IQCJ: variants seen among roughly 807,000 people sequenced by gnomAD.
IQCJ encodes the protein IQ motif containing J, also known as IQ domain-containing protein J.
A neutral mutation model predicts 11.0 loss-of-function variants in IQCJ; 9 were observed. The ratio of observed to expected loss-of-function variants is 0.82; its 90% confidence interval spans 0.49 to 1.43. The LOEUF (loss-of-function observed/expected upper bound fraction) is 1.43. Among genes scored for constraint, IQCJ ranks in the 40% most tolerant of loss-of-function variants. The pLI, the probability that IQCJ is intolerant of heterozygous loss-of-function variation, is 0.00. For synonymous variants in IQCJ, 55 were observed against 51.3 expected, an observed-to-expected ratio of 1.07 and a Z score of -0.31; for missense variants, 146 against 133.2, an observed-to-expected ratio of 1.10 and a Z score of -0.47.
rs141520685 is a variant in IQCJ at position 159,109,749 on chromosome 3, G to A, written c.9+40308G>A. On this transcript the variant is annotated intron_variant, in intron 1 of 3. Transcript: ENST00000397832. ...TTCCAAACATGGGATTGGGACACAT[G>A]GACTGCAAAAGGATTTTGTCTGATT... 4.1e-4 allele frequency among the ~76,000 whole-genome samples: 62 copies of A among 152,104 alleles called. 1 individual carries two copies. In the East Asian group the frequency reaches 0.011, roughly 26 times the overall value.
intron 1 of IQCJ, among the ~76,000 whole-genome samples, chr3:159,141,956 T>C (rs1263884881): frequency 3.3e-5 from 5 of 152,204 alleles, no homozygotes; most frequent in African/African-American, 1.2e-4. Flanking sequence ...TACCTTTTTG[T>C]TGTTGCTAAA....
downstream of IQCJ, chr3:159,265,333 G>C (rs751411708): frequency 6.2e-6 from 10 of 1,613,860 alleles, no homozygotes; most frequent in Non-Finnish European, 8.5e-6. Context: ...CAGCTTGCCA[G>C]ACCCACTGGG....
At chr3:159,091,661 CACACACACGCAT>C (rs1329487360) in intron 1 of IQCJ, among the ~76,000 whole-genome samples, 72 of 55,100 alleles carry the variant, frequency 1.3e-3, no homozygotes, top group Non-Finnish European at 2.5e-3. Context: ...CACACACACA[CACACACACGCAT>C]GCACACACAC....
At chr3:159,265,482 C>A, downstream of IQCJ, 1 of 1,137,416 alleles carries the variant, frequency 8.8e-7, no homozygotes. Context: ...AATGAGCTTC[C>A]TCTAACAACC....
chr3:159,150,018 C>T (rs1721118798), intron 1 of IQCJ, among the ~76,000 whole-genome samples: 1 of 152,182 alleles, frequency 6.6e-6, no homozygotes, highest in African/African-American at 2.4e-5. Flanking sequence ...CCTAGCACTT[C>T]CCACCCACCA....
intron 1 of IQCJ, among the ~76,000 whole-genome samples, chr3:159,152,318 G>A (rs751147401): frequency 6.6e-6 from 1 of 152,120 alleles, no homozygotes; most frequent in African/African-American, 2.4e-5. Context: ...GCTGAAAAAG[G>A]CTGTTAATTC....
chr3:159,108,590 A>G (rs1718419853), intron 1 of IQCJ, among the ~76,000 whole-genome samples: 3 of 152,338 alleles, frequency 2.0e-5, no homozygotes, highest in South Asian at 2.1e-4. Context: ...TCTCTTAAGA[A>G]AAAGATTCTC....
At chr3:159,079,112 G>A (rs951112194) in intron 1 of IQCJ, among the ~76,000 whole-genome samples, 7 of 152,056 alleles carry the variant, frequency 4.6e-5, no homozygotes, top group Non-Finnish European at 8.8e-5. Context: ...CTGTTTTGAA[G>A]GATTCTTCCC....
At chr3:159,161,108 T>A (rs960608160) in intron 1 of IQCJ, among the ~76,000 whole-genome samples, 1 of 152,194 alleles carries the variant, frequency 6.6e-6, no homozygotes, top group Admixed American at 6.5e-5. Flanking sequence ...AATCGCCACA[T>A]CCACTTCCAC....
intron 1 of IQCJ, among the ~76,000 whole-genome samples, chr3:159,073,280 C>T (rs544883837): frequency 2.0e-5 from 3 of 152,114 alleles, no homozygotes; most frequent in Non-Finnish European, 4.4e-5. Flanking sequence ...TGTCAGCTAA[C>T]TGCACTTCTT....
chr3:159,189,909 A>C (rs527887267), intron 1 of IQCJ, among the ~76,000 whole-genome samples: 13 of 152,134 alleles, frequency 8.5e-5, no homozygotes, highest in Non-Finnish European at 1.6e-4. Flanking sequence ...TCAAGTCTGC[A>C]CTTATGCTAG....
chr3:159,085,473 G>A (rs547357332), intron 1 of IQCJ, among the ~76,000 whole-genome samples: 1 of 151,472 alleles, frequency 6.6e-6, no homozygotes, highest in African/African-American at 2.4e-5. Context: ...TCTAGTTCTA[G>A]ATCCCTGAGG....
At chr3:159,132,658 G>C (rs1318937901) in intron 1 of IQCJ, among the ~76,000 whole-genome samples, 1 of 152,176 alleles carries the variant, frequency 6.6e-6, no homozygotes, top group East Asian at 1.9e-4. Context: ...CTTACTAACC[G>C]ATAAGGCCAC....
chr3:159,195,072 T>C (rs1723906552), intron 1 of IQCJ, among the ~76,000 whole-genome samples: 1 of 151,648 alleles, frequency 6.6e-6, no homozygotes, highest in Non-Finnish European at 1.5e-5. Context: ...GATTGCGCCA[T>C]TGCACTCTAG....
chr3:159,142,423 T>TTA (rs1553779785), intron 1 of IQCJ, among the ~76,000 whole-genome samples: 4 of 129,502 alleles, frequency 3.1e-5, no homozygotes, highest in Non-Finnish European at 7.2e-5. Context: ...GCAGGTCTTT[T>TTA]CCCCCCCCCA....
intron 1 of IQCJ, among the ~76,000 whole-genome samples, chr3:159,081,422 G>A (rs900696322): frequency 6.6e-6 from 1 of 152,068 alleles, no homozygotes; most frequent in Non-Finnish European, 1.5e-5. Flanking sequence ...GCCAGGCTTT[G>A]TGGCAGGAGG....
intron 1 of IQCJ, among the ~76,000 whole-genome samples, chr3:159,167,632 T>G (rs948252757): frequency 2.0e-5 from 3 of 152,226 alleles, no homozygotes; most frequent in Non-Finnish European, 2.9e-5. Flanking sequence ...GAAAGTATTT[T>G]CAGGCAGAAT....
intron 1 of IQCJ, among the ~76,000 whole-genome samples, chr3:159,135,140 A>G (rs999054872): frequency 4.6e-5 from 7 of 152,200 alleles, no homozygotes; most frequent in African/African-American, 1.2e-4. Flanking sequence ...TACTGTGGCC[A>G]TCTTTCAACC....
chr3:159,154,815 GGCCGT>G (rs1234924358), intron 1 of IQCJ, among the ~76,000 whole-genome samples: 2 of 152,116 alleles, frequency 1.3e-5, no homozygotes, highest in Non-Finnish European at 2.9e-5. Context: ...TGTAGCCAAT[GGCCGT>G]GCTCAACACT....
Sources: gnomAD v4.1 joint callset for allele counts (sites outside exome capture counted in the v4.1 genomes callset) on GRCh38, gnomAD v4.1.1 for gene constraint, MANE v1.5 for transcripts, NCBI Gene and HGNC (gene_info 2026-07-23, HGNC 2026-07-21) for gene names.